The following APBA2 variants were observed in gnomAD, a reference collection of about 807,000 sequenced individuals.
APBA2 encodes the protein amyloid-beta A4 precursor protein-binding family A member 2.
Under a neutral mutation model 75.0 loss-of-function variants are expected in APBA2, and 30 were observed. The ratio of observed to expected loss-of-function variants is 0.40; its 90% CI spans 0.30 to 0.54. APBA2 has a LOEUF of 0.54. Ranked by LOEUF, APBA2 falls within the 20% of genes least tolerant of loss-of-function variation. APBA2 has a pLI of 0.49. For synonymous variants in APBA2, 444 were observed against 409.6 expected (o/e 1.08, Z -1.01); for missense variants, 801 against 1,016.1 (o/e 0.79, Z 2.88).
intron 3 of APBA2, among the ~76,000 whole-genome samples, chr15:29,023,855 GA>G (rs2040080418): frequency 6.6e-6 from 1 of 151,276 alleles, no homozygotes; most frequent in Non-Finnish European, 1.5e-5. Context: ...TATTTGCTTA[GA>G]TTTGTTGTTA....
At chr15:29,032,468 G>A (rs1253284275) in intron 3 of APBA2, among the ~76,000 whole-genome samples, 1 of 152,322 alleles carries the variant, frequency 6.6e-6, no homozygotes, top group African/African-American at 2.4e-5. Context: ...GGCCTGCCCT[G>A]CAGATTTCAG....
intron 2 of APBA2, among the ~76,000 whole-genome samples, chr15:28,973,741 G>T (rs1190006512): frequency 2.6e-5 from 4 of 152,154 alleles, no homozygotes; most frequent in Non-Finnish European, 5.9e-5. Context: ...TAGAAATAAT[G>T]AATAAAAATA....
At chr15:29,110,026 T>C (rs924176389) in intron 13 of APBA2, among the ~76,000 whole-genome samples, 2 of 152,218 alleles carry the variant, frequency 1.3e-5, no homozygotes, top group African/African-American at 4.8e-5. Context: ...TCTGCACACA[T>C]GTGACCTGGG....
chr15:28,965,210 C>G (rs960195072), intron 2 of APBA2, among the ~76,000 whole-genome samples: 2 of 152,046 alleles, frequency 1.3e-5, no homozygotes, highest in South Asian at 4.2e-4. Context: ...AATACTCCAG[C>G]GCCATTAATT....
At chr15:29,044,362 AT>A (rs2041199285) in intron 3 of APBA2, 1 of 152,202 alleles carries the variant, frequency 6.6e-6, no homozygotes, top group African/African-American at 2.4e-5. Flanking sequence ...TTAGCTATTG[AT>A]TTATGTGCTG....
chr15:28,978,119 C>T (rs2037437093), intron 2 of APBA2, among the ~76,000 whole-genome samples: 1 of 152,182 alleles, frequency 6.6e-6, no homozygotes, highest in South Asian at 2.1e-4. Context: ...TTCCATTCTC[C>T]CTCTCTCTGT....
At chr15:28,899,517 C>T (rs1193302498) in intron 1 of APBA2, among the ~76,000 whole-genome samples, 10 of 152,342 alleles carry the variant, frequency 6.6e-5, no homozygotes, top group Admixed American at 3.3e-4. Flanking sequence ...CCTGAGGCTT[C>T]GTGGAAGCCG....
chr15:28,896,271 TTCTTC>T (rs565525468), intron 1 of APBA2, among the ~76,000 whole-genome samples: 2,849 of 152,124 alleles, frequency 0.019, 81 homozygotes, highest in African/African-American at 0.063. Flanking sequence ...CAAACCCACT[TTCTTC>T]TCTTCTCTTC....
chr15:29,072,420 T>G (rs2042665007), intron 4 of APBA2, among the ~76,000 whole-genome samples: 1 of 152,198 alleles, frequency 6.6e-6, no homozygotes. Context: ...TTTAGGAGAA[T>G]GTGAGCGGCA....
intron 1 of APBA2, among the ~76,000 whole-genome samples, chr15:28,902,193 C>G (rs1255846940): frequency 6.6e-6 from 1 of 152,102 alleles, no homozygotes; most frequent in Non-Finnish European, 1.5e-5. Context: ...CCGCCTCAGC[C>G]TGGGGGCCAC....
At chr15:28,913,419 C>A (rs2152654121) in intron 1 of APBA2, among the ~76,000 whole-genome samples, 1 of 152,314 alleles carries the variant, frequency 6.6e-6, no homozygotes, top group East Asian at 1.9e-4. Flanking sequence ...ACCTGTCAGG[C>A]CACAGTACTA....
intron 1 of APBA2, among the ~76,000 whole-genome samples, chr15:28,917,872 G>A (rs1415727412): frequency 6.6e-6 from 1 of 152,192 alleles, no homozygotes; most frequent in Non-Finnish European, 1.5e-5. Flanking sequence ...TGGGGCAGGG[G>A]TACTGGGGGC....
At chr15:28,962,216 A>C (rs1333979657) in intron 2 of APBA2, among the ~76,000 whole-genome samples, 2 of 152,098 alleles carry the variant, frequency 1.3e-5, no homozygotes, top group Non-Finnish European at 2.9e-5. Flanking sequence ...ACCTGATTCT[A>C]GTTATCTTTG....
At chr15:28,976,561 T>C (rs1176258169) in intron 2 of APBA2, among the ~76,000 whole-genome samples, 1 of 152,212 alleles carries the variant, frequency 6.6e-6, no homozygotes, top group Non-Finnish European at 1.5e-5. Flanking sequence ...TGTTGAACTT[T>C]ATGAAATGGT....
intron 1 of APBA2, among the ~76,000 whole-genome samples, chr15:28,917,039 C>G (rs2033716349): frequency 6.6e-6 from 1 of 152,176 alleles, no homozygotes; most frequent in South Asian, 2.1e-4. Context: ...AAAAGCAATT[C>G]TCTGCCAACA....
At chr15:29,073,566 A>T (rs1408565112) in intron 4 of APBA2, among the ~76,000 whole-genome samples, 1 of 152,182 alleles carries the variant, frequency 6.6e-6, no homozygotes, top group Non-Finnish European at 1.5e-5. Flanking sequence ...TGGCCAGGCT[A>T]GTCTCAAACT....
chr15:28,904,060 C>T (rs2033013063), intron 1 of APBA2, among the ~76,000 whole-genome samples: 1 of 152,214 alleles, frequency 6.6e-6, no homozygotes, highest in Admixed American at 6.5e-5. Context: ...TTTAGCATTA[C>T]AGCGATTTTT....
intron 3 of APBA2, among the ~76,000 whole-genome samples, chr15:28,998,695 A>C (rs1427320368): frequency 6.6e-6 from 1 of 152,174 alleles, no homozygotes; most frequent in Non-Finnish European, 1.5e-5. Context: ...CAAGGCTAGG[A>C]GCAAGTGCTC....
intron 1 of APBA2, among the ~76,000 whole-genome samples, chr15:28,917,927 C>G (rs2033761465): frequency 6.6e-6 from 1 of 152,188 alleles, no homozygotes; most frequent in Non-Finnish European, 1.5e-5. Flanking sequence ...CTGCCCCCGC[C>G]CCATTCTGCT....
Sources: gnomAD v4.1 joint callset for allele counts (sites outside exome capture counted in the v4.1 genomes callset) on GRCh38, gnomAD v4.1.1 for gene constraint, MANE v1.5 for transcripts, NCBI Gene and HGNC (gene_info 2026-07-23, HGNC 2026-07-21) for gene names.